The following EBF4 variants were observed in gnomAD, a reference collection of about 807,000 sequenced individuals.
The protein encoded by EBF4 is EBF transcription factor 4, also known as transcription factor COE4.
In EBF4, 34 loss-of-function variants were observed where a neutral mutation model predicts 67.1. The observed-to-expected ratio is 0.51, with a 90% CI of 0.39 to 0.67. EBF4 has a LOEUF of 0.67. Among genes scored for constraint, EBF4 ranks in the 30% least tolerant of loss-of-function variants. The pLI is 0.00. For missense variants in EBF4, 837 were observed against 873.3 expected, an observed-to-expected ratio of 0.96 and a Z score of 0.52; for synonymous variants, 387 against 377.7, an observed-to-expected ratio of 1.02 and a Z score of -0.29.
intron 6 of EBF4, among the ~76,000 whole-genome samples, chr20:2,730,681 C>T (rs13042815): frequency 0.066 from 10,064 of 152,268 alleles, 456 homozygotes; most frequent in Non-Finnish European, 0.091. Flanking sequence ...GACTCATGAG[C>T]ACACATACAT....
rs952812295 is a variant in EBF4, at chr20:2,718,981, A to T, written c.557+9339A>T. ...TTCTGATATGTTTTCATTTTTATTC[A>T]GTTTAGAATGCTTTCAAATTTCCCT... On this transcript the variant is annotated intron_variant, in intron 6 of 16. Transcript: ENST00000609451. 4.6e-5 allele frequency among the ~76,000 whole-genome samples: 7 copies of T among 152,144 alleles called. No homozygotes were observed. In the East Asian group the frequency reaches 1.3e-3, roughly 29 times the overall value.
At chr20:2,722,060 T>A (rs1464935401) in intron 6 of EBF4, among the ~76,000 whole-genome samples, 2 of 152,154 alleles carry the variant, frequency 1.3e-5, no homozygotes, top group African/African-American at 4.8e-5. Context: ...TGGTCTTGTT[T>A]TTGTTTTTGT....
intron 1 of EBF4, among the ~76,000 whole-genome samples, chr20:2,697,418 G>C (rs536638439): frequency 6.6e-6 from 1 of 151,900 alleles, no homozygotes; most frequent in African/African-American, 2.4e-5. Context: ...GGTGGCGGGC[G>C]CCTGTAGTCC....
chr20:2,750,226 C>CG (rs1441830593), intron 10 of EBF4, among the ~76,000 whole-genome samples: 8 of 152,150 alleles, frequency 5.3e-5, no homozygotes, highest in Non-Finnish European at 1.0e-4. Flanking sequence ...AAGTCCCCCC[C>CG]ACAACCAACA....
At chr20:2,698,105 A>G (rs2087322347) in intron 1 of EBF4, among the ~76,000 whole-genome samples, 1 of 152,236 alleles carries the variant, frequency 6.6e-6, no homozygotes, top group Non-Finnish European at 1.5e-5. Flanking sequence ...GTCTTTAGGT[A>G]GAATTGAGGG....
At chr20:2,724,886 A>C (rs1218337819) in intron 6 of EBF4, among the ~76,000 whole-genome samples, 1 of 152,260 alleles carries the variant, frequency 6.6e-6, no homozygotes, top group South Asian at 2.1e-4. Context: ...CCTGGGCAAC[A>C]GAGTGAGATC....
chr20:2,700,387 C>G (rs2146369819), intron 1 of EBF4, among the ~76,000 whole-genome samples: 1 of 152,274 alleles, frequency 6.6e-6, no homozygotes, highest in African/African-American at 2.4e-5. Flanking sequence ...CTTCTCTCCC[C>G]CTTTCTTTCT....
rs1425957761 is a variant in EBF4 at position 2,755,584 on chromosome 20, C to G, written c.1541-43C>G. 2.0e-6 allele frequency: 2 copies of G among 1,008,632 alleles called. No homozygotes were observed. The highest frequency in any genetic ancestry group is 1.6e-5 in the African/African-American group (1 of 63,152). 62.5% of individuals were successfully genotyped at this position (1,008,632 alleles called of 1,614,324 possible). A position where few individuals can be genotyped will look rare whatever the true frequency, so the allele number is the denominator to read the frequency against. On this transcript the variant is annotated intron_variant, in intron 14 of 16. Transcript: ENST00000609451. This position sits in a 1 kb window ranked among gnomAD's most constrained non-coding sequence, Gnocchi z 4.7. ...GCTGTCTCCCTGTTGTGTCTCCCAC[C>G]ACCTTCCCTGCTGCGCCTGCCCCTC...
intron 1 of EBF4, among the ~76,000 whole-genome samples, chr20:2,701,371 C>G (rs1039118520): frequency 2.0e-5 from 3 of 152,336 alleles, no homozygotes; most frequent in East Asian, 3.9e-4. Context: ...TGTCTTCCCC[C>G]CTCCCAGGTC....
chr20:2,749,717 G>C lies in EBF4; in HGVS notation c.855G>C (p.Leu285Phe), dbSNP rs902291778. ...TCGGCGACAACTTCTTCGACGGGTT[G>C]CAGGTCGTGTTCGGAAACGTGCTCG... The change falls in exon 9 of 17, where the codon TTG becomes TTC. Residue 285 changes from leucine to phenylalanine, a missense_variant. By Grantham distance (22) the Leu-to-Phe change is conservative (BLOSUM62 0). Transcript: ENST00000609451. 1.9e-6 allele frequency: 3 copies of C among 1,553,118 alleles called. No individual in the cohort carries two copies. The African/African-American group carries it at 4.1e-5, about 21-fold the overall frequency.
chr20:2,744,487 CTTTTCT>C (rs2088019279), intron 6 of EBF4, among the ~76,000 whole-genome samples: 2 of 111,470 alleles, frequency 1.8e-5, no homozygotes, highest in East Asian at 5.6e-4. Flanking sequence ...TTCTTTTTTT[CTTTTCT>C]TTTTTTTTTT....
intron 14 of EBF4, among the ~76,000 whole-genome samples, chr20:2,752,763 A>C (rs1267456006): frequency 7.9e-5 from 12 of 152,210 alleles, no homozygotes; most frequent in Non-Finnish European, 1.6e-4. Context: ...TCCTGGGGCC[A>C]GAGTACTCCG....
chr20:2,730,766 C>T (rs2087803206), intron 6 of EBF4, among the ~76,000 whole-genome samples: 2 of 152,360 alleles, frequency 1.3e-5, no homozygotes, highest in East Asian at 1.9e-4. Flanking sequence ...AGGGCCCTGT[C>T]GGCTGTGCAG....
At chr20:2,705,794 C>T in intron 2 of EBF4, 61 bp downstream of exon 2, 2 of 796,250 alleles carry the variant, frequency 2.5e-6, no homozygotes, top group Non-Finnish European at 3.3e-6. Flanking sequence ...ACCACACACA[C>T]ACACACACAC....
chr20:2,748,603 G>C, exon 7 of EBF4: 1 of 1,551,610 alleles, frequency 6.4e-7, no homozygotes, highest in Non-Finnish European at 8.7e-7. Context: ...AGAATGCGGG[G>C]AATCCCAGAG....
chr20:2,748,533 G>A lies in EBF4; in HGVS notation c.558-16G>A, dbSNP rs1391537218. ...GAACCCCCAGACCCTTGAGCCCACC[G>A]ACCACACTGTTTCAGGTTCTTCCTC... On this transcript the variant is annotated splice_polypyrimidine_tract_variant and intron_variant, in intron 6 of 16. Coordinates refer to ENST00000609451, the Ensembl canonical transcript of EBF4. The A allele has an allele frequency of 1.2e-5, 18 of 1,550,466 alleles. No individual in the cohort carries two copies. The highest frequency in any genetic ancestry group is 1.3e-5 in the Non-Finnish European group (15 of 1,146,132).
chr20:2,759,812 C>T (rs75070369), downstream of EBF4: 1 of 152,300 alleles, frequency 6.6e-6, no homozygotes. Context: ...GCTGCCCCCA[C>T]TTCCTTTGAG....
chr20:2,736,121 C>T lies in EBF4; in HGVS notation c.558-12428C>T, dbSNP rs145013257. Among the ~76,000 whole-genome samples the T allele has an allele frequency of 1.6e-3, 243 of 152,298 alleles. 1 individual carries two copies. The highest frequency in any genetic ancestry group is 5.6e-3 in the African/African-American group (234 of 41,564). ...CACATGGTTACTGTATCTGACATCACAGCTCTAAGACTTTAAATATTTGCT... is the reference window on the plus strand; with the variant it reads ...CACATGGTTACTGTATCTGACATCATAGCTCTAAGACTTTAAATATTTGCT... On this transcript the variant is annotated intron_variant, in intron 6 of 16. Coordinates refer to ENST00000609451, the Ensembl canonical transcript of EBF4.
intron 5 of EBF4, 99 bp from the exon 6 acceptor site, chr20:2,709,475 C>T: frequency 8.7e-7 from 1 of 1,151,348 alleles, no homozygotes; most frequent in South Asian, 1.7e-5. Context: ...GACAGGACAT[C>T]AGCACCCTCA....
Sources: gnomAD v4.1 joint callset for allele counts (sites outside exome capture counted in the v4.1 genomes callset) on GRCh38, gnomAD v4.1.1 for gene constraint, Gnocchi (gnomAD v3.1) non-coding constraint, MANE v1.5 for transcripts, NCBI Gene and HGNC (gene_info 2026-07-23, HGNC 2026-07-21) for gene names.